Variants in GATA4 observed in about 807,000 individuals in gnomAD.
GATA4 encodes GATA binding protein 4.
Under a neutral mutation model 37.9 loss-of-function variants are expected in GATA4, and 7 were observed. The ratio of observed to expected loss-of-function variants is 0.18; its 90% CI spans 0.11 to 0.35. The LOEUF (loss-of-function observed/expected upper bound fraction) is 0.35. Among genes scored for constraint, GATA4 ranks in the 10% least tolerant of loss-of-function variants. GATA4 has a pLI of 1.00. For synonymous variants in GATA4, 372 were observed against 292.6 expected (o/e 1.27, Z -2.77); for missense variants, 647 against 653.0 (o/e 0.99, Z 0.10).
At chr8:11,743,827 A>C (rs953480934) in intron 2 of GATA4, among the ~76,000 whole-genome samples, 5 of 152,110 alleles carry the variant, frequency 3.3e-5, no homozygotes, top group African/African-American at 1.2e-4. Flanking sequence ...AATTGATAGG[A>C]ATATCCATAC....
intron 1 of GATA4, among the ~76,000 whole-genome samples, chr8:11,696,741 A>T (rs1196508879): frequency 6.6e-6 from 1 of 152,222 alleles, no homozygotes; most frequent in Non-Finnish European, 1.5e-5. Context: ...GGGTGTGTGC[A>T]TCTGCATTGG....
At chr8:11,700,441 A>G (rs1326262900), upstream of GATA4, 1 of 152,322 alleles carries the variant, frequency 6.6e-6, no homozygotes, top group Admixed American at 6.5e-5. Context: ...GGCACGGACC[A>G]TAGCAAGTGA....
intron 2 of GATA4, among the ~76,000 whole-genome samples, chr8:11,719,469 C>T (rs1206807228): frequency 1.3e-5 from 2 of 152,052 alleles, no homozygotes; most frequent in Non-Finnish European, 2.9e-5. Context: ...GCAAAAATGG[C>T]TTCAGAGAAA....
rs559484740 is a variant in GATA4 at position 11,694,451 on chromosome 8, A to G, written c.-729+1791A>G. On this transcript the variant is annotated intron_variant, in intron 1 of 2. Coordinates refer to the GATA4 transcript ENST00000526974. ...ATCCTTTCTTTTCTTCCCCCAGAAC[A>G]TTGCGCTGCCACCAGCTCTCCGAGC... 6.1e-6 allele frequency: 6 copies of G among 984,734 alleles called. No individual in the cohort carries two copies. In the African/African-American group the frequency reaches 8.7e-5, roughly 14 times the overall value. The allele number at this position is 984,734 out of a possible 1,614,324, so 61.0% of individuals were successfully genotyped here.
chr8:11,732,980 G>C (rs894351809), intron 2 of GATA4, among the ~76,000 whole-genome samples: 1 of 152,068 alleles, frequency 6.6e-6, no homozygotes, highest in African/African-American at 2.4e-5. Context: ...ATCACATGTG[G>C]GTTAGGGTTG....
intron 2 of GATA4, among the ~76,000 whole-genome samples, chr8:11,734,312 A>G (rs1386401921): frequency 1.3e-5 from 2 of 152,208 alleles, no homozygotes; most frequent in African/African-American, 2.4e-5. Context: ...ACAGAATACC[A>G]TAGAATGTGT....
chr8:11,738,754 C>G (rs1801581515), intron 2 of GATA4, among the ~76,000 whole-genome samples: 1 of 152,246 alleles, frequency 6.6e-6, no homozygotes, highest in Non-Finnish European at 1.5e-5. Flanking sequence ...GCATGTCACA[C>G]TTCCCATCAA....
Position 11,680,820 on chromosome 8 carries a change from C to T in GATA4, c.-274+3757C>T, listed in dbSNP as rs902618983. The T allele has an allele frequency of 4.1e-6, 4 of 985,248 alleles. No individual in the cohort carries two copies. In the Admixed American group the frequency reaches 2.5e-4, roughly 61 times the overall value. 61.0% of individuals were successfully genotyped at this position (985,248 alleles called of 1,614,324 possible). ...GCCCTGCTCACCCCGACGCCTCGGT[C>T]CCCACGCTCTGGGCAGCAAGACACA... is the stretch of plus-strand genomic sequence containing the variant. On this transcript the variant is annotated intron_variant, in intron 1 of 6. Transcript: ENST00000528712.
At chr8:11,684,239 A>G (rs1002352094) in intron 1 of GATA4, among the ~76,000 whole-genome samples, 1 of 152,248 alleles carries the variant, frequency 6.6e-6, no homozygotes, top group African/African-American at 2.4e-5. Flanking sequence ...AGGTGAGAGA[A>G]AACACTACAG....
chr8:11,720,701 T>C (rs1800632824), intron 2 of GATA4, among the ~76,000 whole-genome samples: 1 of 152,224 alleles, frequency 6.6e-6, no homozygotes, highest in African/African-American at 2.4e-5. Flanking sequence ...AACATGCGGT[T>C]AGTTTCCTTT....
chr8:11,702,012 C>T (rs951677412), upstream of GATA4, among the ~76,000 whole-genome samples: 1 of 152,192 alleles, frequency 6.6e-6, no homozygotes, highest in African/African-American at 2.4e-5. This position sits in a 1 kb window ranked among gnomAD's most constrained non-coding sequence, Gnocchi z 4.4. Context: ...TATAGCCCCA[C>T]CATCCACAGC....
At chr8:11,743,540 A>C (rs1345492325) in intron 2 of GATA4, among the ~76,000 whole-genome samples, 2 of 152,236 alleles carry the variant, frequency 1.3e-5, no homozygotes, top group Admixed American at 6.5e-5. Context: ...AGCGGCCAGC[A>C]GTGCCCAGGG....
intron 1 of GATA4, chr8:11,694,455 C>A: frequency 1.0e-6 from 1 of 984,754 alleles, no homozygotes; most frequent in South Asian, 4.7e-5. Flanking sequence ...CAGAACATTG[C>A]GCTGCCACCA....
chr8:11,683,007 T>C, intron 1 of GATA4: 1 of 942,982 alleles, frequency 1.1e-6, no homozygotes, highest in Non-Finnish European at 1.3e-6. Flanking sequence ...GGGAAGAGTC[T>C]TGAGGTGGAA....
chr8:11,757,415 G>T (rs1210337919), intron 6 of GATA4, among the ~76,000 whole-genome samples: 2 of 152,240 alleles, frequency 1.3e-5, no homozygotes, highest in Non-Finnish European at 1.5e-5. Context: ...TACAGCATGG[G>T]TGGCAGGGGC....
rs1802776077 is a variant in GATA4, at chr8:11,759,405, T to C, written c.*930T>C. On this transcript the variant is annotated 3_prime_UTR_variant, in exon 7 of 7. Coordinates refer to ENST00000532059, the MANE Select transcript of GATA4 (RefSeq NM_001308093.3). The stretch of plus-strand genomic sequence containing the variant: ...CTGGGGAGAGTGTAAGTGGACAGAG[T>C]CCTGGTCAGGGGGCAGGAGTGTCCC... 2 of 152,388 alleles carry C rather than the reference T, an allele frequency of 1.3e-5. No individual in the cohort carries two copies. Among genetic ancestry groups the C allele is most frequent in the Non-Finnish European group, 2.9e-5 (2 of 68,294 alleles). 9.4% of individuals were successfully genotyped at this position (152,388 alleles called of 1,614,324 possible).
At chr8:11,705,002 G>A (rs1188533126) in intron 1 of GATA4, among the ~76,000 whole-genome samples, 1 of 152,252 alleles carries the variant, frequency 6.6e-6, no homozygotes, top group African/African-American at 2.4e-5. Flanking sequence ...CGCCGGCCAC[G>A]GGGCTGCCCG....
At chr8:11,697,280 G>A (rs1284638176) in intron 1 of GATA4, among the ~76,000 whole-genome samples, 1 of 152,220 alleles carries the variant, frequency 6.6e-6, no homozygotes, top group Non-Finnish European at 1.5e-5. Context: ...GGGGATGAGT[G>A]GAAACCAGCC....
intron 2 of GATA4, among the ~76,000 whole-genome samples, chr8:11,741,405 C>T (rs1280107451): frequency 2.6e-5 from 4 of 151,764 alleles, no homozygotes; most frequent in Admixed American, 2.6e-4. Context: ...CCTGGGGCCG[C>T]GAAGTCAAGG....
Sources: allele counts gnomAD v4.1 joint callset (sites outside exome capture counted in the v4.1 genomes callset), GRCh38; gene constraint gnomAD v4.1.1; non-coding constraint Gnocchi (gnomAD v3.1); transcripts MANE v1.5; gene names NCBI Gene and HGNC (gene_info 2026-07-23, HGNC 2026-07-21).